CLIC4: variants seen among roughly 807,000 people sequenced by gnomAD.
CLIC4 encodes the protein chloride intracellular channel protein 4.
In CLIC4, 13 loss-of-function variants were observed where a neutral mutation model predicts 24.6. The ratio of observed to expected loss-of-function variants is 0.53; its 90% CI spans 0.34 to 0.84. CLIC4 has a LOEUF of 0.84. CLIC4 is among the 40% of genes least tolerant of loss of function. The pLI is 0.01. For missense variants in CLIC4, 227 were observed against 301.7 expected (o/e 0.75, Z 1.83); for synonymous variants, 104 against 111.3 (o/e 0.93, Z 0.41).
intron 3 of CLIC4, among the ~76,000 whole-genome samples, chr1:24,826,597 A>T (rs1411510740): frequency 6.6e-6 from 1 of 152,260 alleles, no homozygotes; most frequent in Non-Finnish European, 1.5e-5. Context: ...AAATAGGTAC[A>T]TGGCACTAGT....
At chr1:24,745,668 T>C in intron 1 of CLIC4, 43 bp downstream of exon 1, 2 of 1,486,008 alleles carry the variant, frequency 1.3e-6, no homozygotes, top group Non-Finnish European at 1.8e-6. Flanking sequence ...ATCCCCCGGC[T>C]CCCTCCCGGC....
intron 2 of CLIC4, among the ~76,000 whole-genome samples, chr1:24,805,957 C>G (rs1305006134): frequency 6.6e-6 from 1 of 152,128 alleles, no homozygotes; most frequent in South Asian, 2.1e-4. Flanking sequence ...TTTATTTCAT[C>G]TGAAAGACTA....
chr1:24,803,640 G>C (rs937433309), intron 2 of CLIC4, among the ~76,000 whole-genome samples: 6 of 152,124 alleles, frequency 3.9e-5, no homozygotes, highest in Admixed American at 6.5e-5. Context: ...AAGGGCCCAG[G>C]CTTCACAAAG....
At chr1:24,803,952 A>G (rs1055836148) in intron 2 of CLIC4, among the ~76,000 whole-genome samples, 1 of 152,230 alleles carries the variant, frequency 6.6e-6, no homozygotes, top group Non-Finnish European at 1.5e-5. Context: ...CAATGGAACT[A>G]TGAAACTGAT....
At chr1:24,778,544 A>G (rs1639168636) in intron 1 of CLIC4, among the ~76,000 whole-genome samples, 1 of 151,746 alleles carries the variant, frequency 6.6e-6, no homozygotes, top group Non-Finnish European at 1.5e-5. Flanking sequence ...TCTTTCTTTC[A>G]TTTGTTGTCA....
intron 3 of CLIC4, among the ~76,000 whole-genome samples, chr1:24,814,722 G>T (rs1296178348): frequency 6.6e-6 from 1 of 152,160 alleles, no homozygotes; most frequent in Non-Finnish European, 1.5e-5. Flanking sequence ...ACTTCTTTGA[G>T]GTGTTCCAGA....
At chr1:24,810,295 T>C (rs962291861) in intron 2 of CLIC4, among the ~76,000 whole-genome samples, 29 of 152,230 alleles carry the variant, frequency 1.9e-4, no homozygotes, top group Non-Finnish European at 3.1e-4. Flanking sequence ...TTGATTGTTA[T>C]ATCTCTTAAG....
At chr1:24,790,818 A>T (rs1639325560) in intron 1 of CLIC4, among the ~76,000 whole-genome samples, 1 of 152,204 alleles carries the variant, frequency 6.6e-6, no homozygotes, top group South Asian at 2.1e-4. Flanking sequence ...TTAAGTTGGA[A>T]ATAAAATATA....
At chr1:24,811,349 T>G (rs1331983624) in intron 2 of CLIC4, among the ~76,000 whole-genome samples, 1 of 151,922 alleles carries the variant, frequency 6.6e-6, no homozygotes, top group African/African-American at 2.4e-5. Flanking sequence ...AGAATGAGAG[T>G]GAAAAAGGCA....
Position 24,841,709 on chromosome 1 carries a change from C to G in CLIC4, c.*772C>G, listed in dbSNP as rs377154979. 1.3e-5 allele frequency: 2 copies of G among 152,506 alleles called. No individual in the cohort carries two copies. Among genetic ancestry groups the G allele is most frequent in the African/African-American group, 4.8e-5 (2 of 41,420 alleles). The allele number at this position is 152,506 out of a possible 1,614,324, so 9.4% of individuals were successfully genotyped here. On this transcript the variant is annotated 3_prime_UTR_variant, in exon 6 of 6. Coordinates refer to ENST00000374379, the MANE Select transcript of CLIC4 (RefSeq NM_013943.3). Reference sequence around the variant, plus strand: ...GGGCACCTGATACTCTGTCTAAATACGTTTGTTATATGTGTTTTGCCCTGT... The same window carrying G: ...GGGCACCTGATACTCTGTCTAAATAGGTTTGTTATATGTGTTTTGCCCTGT...
chr1:24,748,617 T>A (rs906416195), intron 1 of CLIC4, among the ~76,000 whole-genome samples: 1 of 150,470 alleles, frequency 6.6e-6, no homozygotes, highest in African/African-American at 2.4e-5. Flanking sequence ...TTGAAGTGAT[T>A]CTTCTGCCTT....
chr1:24,826,250 C>T (rs984889538), intron 3 of CLIC4, among the ~76,000 whole-genome samples: 40 of 152,208 alleles, frequency 2.6e-4, no homozygotes, highest in Admixed American at 2.1e-3. Context: ...TGTTGTTGTT[C>T]GGTGCTACCC....
chr1:24,832,018 T>C (rs1444560313), intron 4 of CLIC4, among the ~76,000 whole-genome samples: 1 of 152,206 alleles, frequency 6.6e-6, no homozygotes, highest in Admixed American at 6.5e-5. Flanking sequence ...TTTTCTCTTT[T>C]TTCCTCTTAA....
At chr1:24,811,499 G>A (rs770266770) in intron 2 of CLIC4, among the ~76,000 whole-genome samples, 39 of 151,684 alleles carry the variant, frequency 2.6e-4, no homozygotes, top group Admixed American at 5.3e-4. Context: ...TTGAGACAGG[G>A]TCTCACTCTG....
chr1:24,745,736 G>C, intron 1 of CLIC4, 111 bp downstream of exon 1: 1 of 805,208 alleles, frequency 1.2e-6, no homozygotes, highest in East Asian at 3.5e-5. Context: ...GCCAGCACCC[G>C]TCCCGCTGCG....
intron 1 of CLIC4, among the ~76,000 whole-genome samples, chr1:24,779,326 C>G (rs1639177268): frequency 2.0e-5 from 3 of 152,080 alleles, no homozygotes; most frequent in African/African-American, 7.2e-5. Context: ...AAAAATTAGC[C>G]AGGCATGGTG....
intron 3 of CLIC4, 89 bp from the exon 4 acceptor site, chr1:24,826,921 G>A (rs894279250): frequency 1.0e-5 from 8 of 795,168 alleles, no homozygotes; most frequent in Admixed American, 2.6e-5. Context: ...ATTAAAAGAC[G>A]TCTAGTAACT....
chr1:24,813,320 C>G (rs1051728461), intron 2 of CLIC4, among the ~76,000 whole-genome samples: 11 of 149,674 alleles, frequency 7.3e-5, no homozygotes, highest in Non-Finnish European at 1.6e-4. Flanking sequence ...GGGATTACAG[C>G]CGTGAGCCAC....
chr1:24,822,106 T>C (rs563056032), intron 3 of CLIC4, among the ~76,000 whole-genome samples: 2 of 152,318 alleles, frequency 1.3e-5, no homozygotes, highest in Admixed American at 6.5e-5. Flanking sequence ...CACATCAATA[T>C]GACTTCAAAA....
Sources: allele counts gnomAD v4.1 joint callset (sites outside exome capture counted in the v4.1 genomes callset), GRCh38; gene constraint gnomAD v4.1.1; transcripts MANE v1.5; gene names NCBI Gene and HGNC (gene_info 2026-07-23, HGNC 2026-07-21).